ATM: variants seen among roughly 807,000 people sequenced by gnomAD.
ATM encodes serine-protein kinase ATM.
ATM carries 308 observed loss-of-function variants against 387.0 expected under a neutral mutation model. The observed-to-expected ratio is 0.80, with a 90% CI of 0.73 to 0.87. The LOEUF is 0.87. Among genes scored for constraint, ATM ranks in the 40% least tolerant of loss-of-function variants. The probability of loss-of-function intolerance (pLI) is 0.00; values close to 1 mark genes in which losing one functional copy is unlikely to be tolerated. For synonymous variants in ATM, 1,156 were observed against 1,187.3 expected, an observed-to-expected ratio of 0.97 and a Z score of 0.54; for missense variants, 3,312 against 3,560.9, an observed-to-expected ratio of 0.93 and a Z score of 1.78.
At chr11:108,287,965 G>A (rs2082581937) in intron 27 of ATM, among the ~76,000 whole-genome samples, 1 of 151,972 alleles carries the variant, frequency 6.6e-6, no homozygotes, top group Non-Finnish European at 1.5e-5. Flanking sequence ...TAGTCTTTCT[G>A]TAATATTTGA....
intron 28 of ATM, 51 bp downstream of exon 28, chr11:108,289,154 A>G (rs2082651840): frequency 1.3e-6 from 2 of 1,542,852 alleles, no homozygotes; most frequent in South Asian, 1.2e-5. Flanking sequence ...TTTTTTAGCT[A>G]AAAAAACTTT....
chr11:108,360,100 A>G (rs1174933610), intron 61 of ATM, among the ~76,000 whole-genome samples: 1 of 151,694 alleles, frequency 6.6e-6, no homozygotes, highest in Admixed American at 6.6e-5. Flanking sequence ...ACAATAAAAA[A>G]TGATAAAGGG....
intron 39 of ATM, 127 bp downstream of exon 39, chr11:108,310,442 T>C (rs1352841701): frequency 1.1e-6 from 1 of 906,852 alleles, no homozygotes; most frequent in African/African-American, 1.7e-5. Context: ...AAATTTTGTT[T>C]TAAAGTGAAA....
rs1007338914 is a variant in ATM, at chr11:108,366,442, C to T, written c.*934C>T. The T allele has an allele frequency of 4.5e-6, 1 of 220,828 alleles. No homozygotes were observed. Among genetic ancestry groups the T allele is most frequent in the Non-Finnish European group, 9.1e-6 (1 of 110,466 alleles). The allele number at this position is 220,828 out of a possible 1,614,324, so 13.7% of individuals were successfully genotyped here. A position where few individuals can be genotyped will look rare whatever the true frequency, so the allele number is the denominator to read the frequency against. On this transcript the variant is annotated 3_prime_UTR_variant, in exon 63 of 63. Transcript: ENST00000675843. The stretch of plus-strand genomic sequence containing the variant: ...TCACTAATTATTTTAAATGTCTGTA[C>T]TTGATAGACACTGTAATAGTTCTAT...
At chr11:108,290,263 A>G (rs1231480442) in intron 29 of ATM, 2 of 152,512 alleles carry the variant, frequency 1.3e-5, no homozygotes, top group Non-Finnish European at 2.9e-5. Flanking sequence ...TTTACTTATT[A>G]GTTTTTAAAA....
Position 108,304,739 on chromosome 11 carries a change from C to G in ATM, c.5561C>G (p.Thr1854Arg), listed in dbSNP as rs138710254. The stretch of plus-strand genomic sequence containing the variant: ...ATTCATGATATTTTACTCCAAGATA[C>G]AAATGAATCATGGAGAAATCTGCTT... ...YLIHDILLQDTNESWRNLLST... is the reference protein window; with the variant it reads ...YLIHDILLQDRNESWRNLLST... The change falls in exon 37 of 63, where the codon ACA becomes AGA. Residue 1854 changes from threonine to arginine, a missense_variant. Physicochemically the swap from Thr to Arg is moderately conservative, Grantham distance 71 (BLOSUM62 -1). Around this residue, in one of 4 missense-constraint regions of ATM, gnomAD observed 1,405 missense variants for 1,604.4 expected, o/e 0.88. Coordinates refer to ENST00000675843, the MANE Select transcript of ATM (RefSeq NM_000051.4). The G allele has an allele frequency of 1.2e-6, 2 of 1,614,010 alleles. No individual in the cohort carries two copies. The highest frequency in any genetic ancestry group is 1.3e-5 in the African/African-American group (1 of 75,010).
In ATM at chr11:108,290,885, A is replaced by G. The variant is rs558606408; in HGVS notation, c.4436+1084A>G. Among the ~76,000 whole-genome samples the G allele has an allele frequency of 3.9e-4, 59 of 152,036 alleles. 2 individuals carry two copies. In the South Asian group the frequency reaches 0.011, roughly 29 times the overall value. On this transcript the variant is annotated intron_variant, in intron 29 of 62. Coordinates refer to ENST00000675843, the MANE Select transcript of ATM (RefSeq NM_000051.4). ...CTAGAAATCTTAAGAAGGATCTTCA[A>G]CATTTTAATACTAATATTCTAGCTA...
intron 13 of ATM, 116 bp from the exon 14 acceptor site, chr11:108,256,098 AC>A: frequency 1.1e-6 from 1 of 932,308 alleles, no homozygotes; most frequent in Non-Finnish European, 1.5e-6. Flanking sequence ...GCCACCTTTA[AC>A]TCAGTTAACT....
intron 61 of ATM, among the ~76,000 whole-genome samples, chr11:108,361,724 C>T (rs1487222239): frequency 6.6e-6 from 1 of 151,554 alleles, no homozygotes; most frequent in Admixed American, 6.6e-5. Context: ...ATAAATGGTG[C>T]TGGGAAAACT....
At chr11:108,265,065 A>G (rs1042124372) in intron 16 of ATM, among the ~76,000 whole-genome samples, 72 of 148,898 alleles carry the variant, frequency 4.8e-4, no homozygotes, top group Non-Finnish European at 5.3e-4. Flanking sequence ...GCCCAAGGTA[A>G]TTTACAGATT....
rs587781722 is a variant in ATM at position 108,310,305 on chromosome 11, C to T, written c.5908C>T (p.Gln1970Ter). Residue 1970 changes from glutamine (Q) to a stop codon, truncating the protein, a stop_gained, in exon 39 of 63, where the codon CAA becomes TAA. Transcript: ENST00000675843. LOFTEE classifies it high-confidence loss of function. ...TGCAGATAAGAAAAGTATGGATGAT[C>T]AAGAGAAAAGGTAATGGAATTTAGA... is the stretch of plus-strand genomic sequence containing the variant. ...IYADKKSMDD[Q>*]EKRSLAFEEG... 2.5e-5 allele frequency: 41 copies of T among 1,612,686 alleles called. No individual in the cohort carries two copies. The Admixed American group carries it at 6.5e-4, about 26-fold the overall frequency.
In ATM at chr11:108,268,393, G is replaced by A. The variant is rs2234994; in HGVS notation, c.2639-17G>A. The stretch of plus-strand genomic sequence containing the variant: ...TGTGCCCTTCTCTTAGTGTTAATGA[G>A]TGCTTTTTATTTTTAGGTGCCATTA... On this transcript the variant is annotated splice_polypyrimidine_tract_variant and intron_variant, in intron 17 of 62. Coordinates refer to ENST00000675843, the MANE Select transcript of ATM (RefSeq NM_000051.4). 1.9e-6 allele frequency: 3 copies of A among 1,611,548 alleles called. No individual in the cohort carries two copies. The highest frequency in any genetic ancestry group is 2.5e-6 in the Non-Finnish European group (3 of 1,178,870).
intron 33 of ATM, among the ~76,000 whole-genome samples, chr11:108,298,983 G>A (rs1410985416): frequency 6.6e-6 from 1 of 152,134 alleles, no homozygotes; most frequent in Non-Finnish European, 1.5e-5. Context: ...TAATCAAAGA[G>A]GTGAAAAACT....
intron 3 of ATM, 109 bp from the exon 4 acceptor site, chr11:108,229,069 A>C: frequency 9.0e-7 from 1 of 1,117,102 alleles, no homozygotes; most frequent in Non-Finnish European, 1.3e-6. Flanking sequence ...GTAGTAATCT[A>C]AGCAAGGTGG....
intron 31 of ATM, 43 bp downstream of exon 31, chr11:108,293,520 T>C (rs1417725635): frequency 1.3e-6 from 2 of 1,506,964 alleles, no homozygotes; most frequent in African/African-American, 1.4e-5. Context: ...TTAGAGAACA[T>C]AGTAGTACTT....
At position 108,330,330 on chromosome 11, in the gene ATM, T is replaced by C. The variant is rs1224883896; in HGVS notation, c.7424T>C (p.Leu2475Ser). The C allele has an allele frequency of 1.2e-6, 2 of 1,614,216 alleles. No individual in the cohort carries two copies. The highest frequency in any genetic ancestry group is 1.7e-6 in the Non-Finnish European group (2 of 1,180,006). Residue 2475 changes from leucine to serine, a missense_variant, in exon 50 of 63, where the codon TTA (leucine) becomes TCA (serine). Physicochemically the swap from Leu to Ser is moderately radical, Grantham distance 145. Around this residue, in one of 4 missense-constraint regions of ATM, gnomAD observed 1,405 missense variants for 1,604.4 expected, o/e 0.88. Transcript: ENST00000675843. The stretch of plus-strand genomic sequence containing the variant: ...GTTGAAAATTATATCAACTGCTTAT[T>C]AAGTGGAGAAGAACATGATATGTGG... ...KAVENYINCL[L>S]SGEEHDMWVF...
chr11:108,334,296 A>G (rs949290407), intron 54 of ATM, among the ~76,000 whole-genome samples: 1 of 152,102 alleles, frequency 6.6e-6, no homozygotes, highest in African/African-American at 2.4e-5. Flanking sequence ...GAAGGTTCCA[A>G]TTGTCATATA....
At chr11:108,253,064 A>C in intron 12 of ATM, 152 bp downstream of exon 12, 1 of 663,736 alleles carries the variant, frequency 1.5e-6, no homozygotes, top group Non-Finnish European at 2.6e-6. Context: ...AGGTTGTTTT[A>C]ATTCAGTGAT....
intron 2 of ATM, 33 bp from the exon 3 acceptor site, chr11:108,227,743 A>G (rs1591446496): frequency 1.2e-6 from 2 of 1,611,556 alleles, no homozygotes; most frequent in Non-Finnish European, 1.7e-6. Context: ...AAGTGTGATT[A>G]GTAACCCATT....
Sources: gnomAD v4.1 joint callset for allele counts (sites outside exome capture counted in the v4.1 genomes callset) on GRCh38, gnomAD v4.1.1 for gene constraint, gnomAD v4.1.1 regional missense constraint, MANE v1.5 for transcripts, NCBI Gene and HGNC (gene_info 2026-07-23, HGNC 2026-07-21) for gene names.